Variants in ADGRL2 observed in about 807,000 individuals in gnomAD.
ADGRL2 encodes the protein adhesion G protein-coupled receptor L2, also known as calcium-independent alpha-latrotoxin receptor 2.
In ADGRL2, 44 loss-of-function variants were observed where a neutral mutation model predicts 157.4. The observed-to-expected ratio is 0.28, with a 90% CI of 0.22 to 0.36. The LOEUF (loss-of-function observed/expected upper bound fraction) is 0.36, where lower values mean the gene tolerates loss of function less well. Ranked by LOEUF, ADGRL2 falls within the 10% of genes least tolerant of loss-of-function variation. The pLI is 1.00. For missense variants in ADGRL2, 1,510 were observed against 1,768.9 expected, an observed-to-expected ratio of 0.85 and a Z score of 2.63; for synonymous variants, 585 against 624.7, an observed-to-expected ratio of 0.94 and a Z score of 0.95.
intron 2 of ADGRL2, among the ~76,000 whole-genome samples, chr1:81,562,690 T>G: frequency 6.6e-6 from 1 of 152,110 alleles, no homozygotes; most frequent in Admixed American, 6.5e-5. Flanking sequence ...ATTCTTGCAG[T>G]TTTTTTAAAA....
rs777766144 is a variant in ADGRL2 at position 81,942,790 on chromosome 1, G to T, written c.410-179G>T. ...ATAAACTTCAGTTACTTTGTACCCT[G>T]ATACACTGATTATGCTAACTTTAGA... On this transcript the variant is annotated intron_variant, in intron 5 of 23. Coordinates refer to ENST00000686636, the MANE Select transcript of ADGRL2 (RefSeq NM_001366006.2). The T allele has an allele frequency of 1.0e-5, 7 of 675,758 alleles. No individual in the cohort carries two copies. In the Admixed American group the frequency reaches 1.5e-4, roughly 14 times the overall value. 41.9% of individuals were successfully genotyped at this position (675,758 alleles called of 1,614,324 possible).
At chr1:81,869,068 A>T (rs986410068) in intron 2 of ADGRL2, among the ~76,000 whole-genome samples, 7 of 152,110 alleles carry the variant, frequency 4.6e-5, no homozygotes, top group African/African-American at 1.7e-4. Context: ...GAAACATTGA[A>T]ATCAGTCAGA....
chr1:81,844,649 A>G (rs1255663248), intron 2 of ADGRL2, among the ~76,000 whole-genome samples: 2 of 152,198 alleles, frequency 1.3e-5, no homozygotes, highest in Non-Finnish European at 2.9e-5. Flanking sequence ...AATTTGGATT[A>G]GTGAGTATCT....
upstream of ADGRL2, among the ~76,000 whole-genome samples, chr1:81,796,309 C>T (rs891754840): frequency 9.2e-5 from 14 of 151,956 alleles, no homozygotes; most frequent in African/African-American, 3.4e-4. Flanking sequence ...TTTTAAACCA[C>T]GTACTGTTAA....
At chr1:81,499,984 A>G (rs1440366719) in intron 2 of ADGRL2, among the ~76,000 whole-genome samples, 1 of 152,178 alleles carries the variant, frequency 6.6e-6, no homozygotes, top group Non-Finnish European at 1.5e-5. Flanking sequence ...TTTAGAAAGA[A>G]TGAATGATAT....
intron 2 of ADGRL2, among the ~76,000 whole-genome samples, chr1:81,865,996 G>A (rs759043267): frequency 9.2e-5 from 14 of 152,138 alleles, no homozygotes; most frequent in Non-Finnish European, 1.6e-4. Flanking sequence ...AGCTAAAAAT[G>A]TTTTGGTAAC....
chr1:81,983,289 C>T (rs1467605771), intron 19 of ADGRL2, among the ~76,000 whole-genome samples: 7 of 151,722 alleles, frequency 4.6e-5, no homozygotes, highest in Admixed American at 6.6e-5. Flanking sequence ...CAGTTGGGTG[C>T]GCCAGGATGA....
At chr1:81,462,627 GT>G (rs766112210) in intron 2 of ADGRL2, among the ~76,000 whole-genome samples, 7 of 152,222 alleles carry the variant, frequency 4.6e-5, no homozygotes, top group Non-Finnish European at 1.0e-4. Flanking sequence ...CTCAGTTATT[GT>G]TACTTGGCCC....
chr1:81,545,018 G>A (rs2079978988), intron 2 of ADGRL2, among the ~76,000 whole-genome samples: 1 of 152,106 alleles, frequency 6.6e-6, no homozygotes, highest in Non-Finnish European at 1.5e-5. Context: ...CAGGTCACGA[G>A]ACATCCCTGG....
At chr1:81,432,714 C>T (rs1048910976) in intron 1 of ADGRL2, among the ~76,000 whole-genome samples, 2 of 152,136 alleles carry the variant, frequency 1.3e-5, no homozygotes, top group Admixed American at 6.5e-5. Flanking sequence ...GACAGGAGGT[C>T]AAGCTGTCGT....
At chr1:81,521,405 G>C (rs1040192803) in intron 2 of ADGRL2, among the ~76,000 whole-genome samples, 1 of 152,124 alleles carries the variant, frequency 6.6e-6, no homozygotes, top group Non-Finnish European at 1.5e-5. Flanking sequence ...TTTCAAAAGA[G>C]TCAAAGGAGT....
At chr1:81,818,898 T>G (rs2090695146) in intron 1 of ADGRL2, among the ~76,000 whole-genome samples, 2 of 152,094 alleles carry the variant, frequency 1.3e-5, no homozygotes, top group Non-Finnish European at 2.9e-5. Flanking sequence ...TAGTCTTTTC[T>G]GAGGAGGAGA....
At chr1:81,965,258 C>T (rs192322296) in intron 11 of ADGRL2, among the ~76,000 whole-genome samples, 210 of 152,244 alleles carry the variant, frequency 1.4e-3, no homozygotes, top group Middle Eastern at 3.4e-3. Flanking sequence ...TGGTCTCTCT[C>T]GCAAATATTT....
rs2084387560 is a variant in ADGRL2 at position 81,723,010 on chromosome 1, CA to C, written c.-143+23203del. 8 of 784,802 alleles carry C rather than the reference CA, an allele frequency of 1.0e-5. No individual in the cohort carries two copies. The Admixed American group carries it at 1.4e-4, about 13-fold the overall frequency. 48.6% of individuals were successfully genotyped at this position (784,802 alleles called of 1,614,324 possible). A position where few individuals can be genotyped will look rare whatever the true frequency, so the allele number is the denominator to read the frequency against. ...ACCCAGCAAATTTGTCAAAATACCA[CA>C]GCAACCCAAAGGTTATGAATCTTAT... On this transcript the variant is annotated intron_variant, in intron 1 of 20. Coordinates refer to the ADGRL2 transcript ENST00000359929.
chr1:81,458,454 G>A (rs1159614440), intron 2 of ADGRL2, among the ~76,000 whole-genome samples: 1 of 152,176 alleles, frequency 6.6e-6, no homozygotes, highest in Admixed American at 6.5e-5. Flanking sequence ...CCAGAGGAAG[G>A]GTTAGTGTTA....
chr1:81,410,428 A>C (rs756194558), intron 1 of ADGRL2, among the ~76,000 whole-genome samples: 7 of 152,146 alleles, frequency 4.6e-5, no homozygotes, highest in Non-Finnish European at 1.0e-4. Context: ...CTTTTCTTCC[A>C]ATTGTCTTAC....
At chr1:81,408,709 A>G in intron 1 of ADGRL2, among the ~76,000 whole-genome samples, 1 of 152,002 alleles carries the variant, frequency 6.6e-6, no homozygotes, top group East Asian at 1.9e-4. Flanking sequence ...TACCTGCCCA[A>G]TGCACAAACT....
chr1:81,559,753 T>G (rs1307309101), intron 2 of ADGRL2, among the ~76,000 whole-genome samples: 1 of 152,206 alleles, frequency 6.6e-6, no homozygotes, highest in Non-Finnish European at 1.5e-5. Context: ...GAGTAATGTT[T>G]GATTATATTT....
intron 1 of ADGRL2, among the ~76,000 whole-genome samples, chr1:81,353,883 G>A (rs1257637999): frequency 3.3e-5 from 5 of 152,150 alleles, no homozygotes; most frequent in Non-Finnish European, 5.9e-5. Context: ...GCGAAAGGGC[G>A]ACAGCGTCCC....
Sources: gnomAD v4.1 joint callset for allele counts (sites outside exome capture counted in the v4.1 genomes callset) on GRCh38, gnomAD v4.1.1 for gene constraint, MANE v1.5 for transcripts, NCBI Gene and HGNC (gene_info 2026-07-23, HGNC 2026-07-21) for gene names.